TPST1: variants seen among roughly 807,000 people sequenced by gnomAD.
The protein encoded by TPST1 is protein-tyrosine sulfotransferase 1.
Under a neutral mutation model 34.8 loss-of-function variants are expected in TPST1, and 20 were observed. That is an observed-to-expected ratio of 0.57 (90% CI 0.40 to 0.84). The LOEUF is 0.84. Ranked by LOEUF, TPST1 falls within the 40% of genes least tolerant of loss-of-function variation. The pLI, the probability that TPST1 is intolerant of heterozygous loss-of-function variation, is 0.00. For missense variants in TPST1, 353 were observed against 455.5 expected, an observed-to-expected ratio of 0.78 and a Z score of 2.05; for synonymous variants, 152 against 159.4, an observed-to-expected ratio of 0.95 and a Z score of 0.35.
intron 2 of TPST1, among the ~76,000 whole-genome samples, chr7:66,281,888 G>A (rs1790939617): frequency 6.6e-6 from 1 of 152,214 alleles, no homozygotes; most frequent in Admixed American, 6.5e-5. Flanking sequence ...ATTCACCTCA[G>A]TCATTCAAGA....
intron 1 of TPST1, among the ~76,000 whole-genome samples, chr7:66,229,174 G>A (rs545489290): frequency 2.6e-3 from 395 of 151,192 alleles, no homozygotes; most frequent in African/African-American, 9.0e-3. Flanking sequence ...GCAGTGGCAC[G>A]ATCTCGACTC....
upstream of TPST1, among the ~76,000 whole-genome samples, chr7:66,202,202 G>A (rs886327118): frequency 2.0e-5 from 3 of 152,132 alleles, no homozygotes; most frequent in African/African-American, 7.2e-5. Context: ...AGCAGGAAAA[G>A]TTCATCTTGT....
At chr7:66,307,651 T>C (rs2116093214) in intron 3 of TPST1, among the ~76,000 whole-genome samples, 1 of 152,316 alleles carries the variant, frequency 6.6e-6, no homozygotes, top group East Asian at 1.9e-4. Context: ...AGCGCTTTAT[T>C]GGGGCACCAT....
At chr7:66,218,285 A>G (rs994207529) in intron 1 of TPST1, among the ~76,000 whole-genome samples, 3 of 151,972 alleles carry the variant, frequency 2.0e-5, no homozygotes, top group South Asian at 2.1e-4. Flanking sequence ...TGCCTTTTGT[A>G]TGCTCTTTTT....
intron 2 of TPST1, among the ~76,000 whole-genome samples, chr7:66,263,197 G>A (rs958883260): frequency 6.6e-6 from 1 of 152,124 alleles, no homozygotes; most frequent in Non-Finnish European, 1.5e-5. Context: ...GGTAAAGGTG[G>A]GGGTGCCAGT....
At chr7:66,344,423 G>T (rs2116343767) in intron 3 of TPST1, 1 of 152,044 alleles carries the variant, frequency 6.6e-6, no homozygotes, top group South Asian at 2.1e-4. Context: ...ATTTCTAATT[G>T]TTTTTTTTAG....
chr7:66,346,317 G>A (rs1792351747), intron 3 of TPST1, among the ~76,000 whole-genome samples: 1 of 152,068 alleles, frequency 6.6e-6, no homozygotes, highest in Non-Finnish European at 1.5e-5. Context: ...TTGATTTACT[G>A]ATTTCCCTTC....
chr7:66,318,020 G>T (rs916158826), intron 3 of TPST1, among the ~76,000 whole-genome samples: 1 of 152,062 alleles, frequency 6.6e-6, no homozygotes, highest in African/African-American at 2.4e-5. Context: ...TTAGCCAGGC[G>T]GGGTGGCAGG....
At chr7:66,271,603 A>G (rs551313854) in intron 2 of TPST1, among the ~76,000 whole-genome samples, 3 of 152,294 alleles carry the variant, frequency 2.0e-5, no homozygotes, top group African/African-American at 7.2e-5. Flanking sequence ...GATTCTGCAT[A>G]TAAGTGAGAT....
At chr7:66,216,307 T>C (rs968452294) in intron 1 of TPST1, among the ~76,000 whole-genome samples, 2 of 25,678 alleles carry the variant, frequency 7.8e-5, no homozygotes, top group African/African-American at 3.1e-4. Flanking sequence ...TCTTCTCTCT[T>C]TTGTTATTGG....
intron 3 of TPST1, among the ~76,000 whole-genome samples, chr7:66,296,830 A>G (rs1389721296): frequency 6.6e-6 from 1 of 152,076 alleles, no homozygotes; most frequent in Non-Finnish European, 1.5e-5. Context: ...AAACGTTAAC[A>G]TATTTTATAC....
intron 3 of TPST1, among the ~76,000 whole-genome samples, chr7:66,323,537 C>G (rs1235169239): frequency 2.6e-5 from 4 of 152,240 alleles, no homozygotes; most frequent in African/African-American, 9.6e-5. Context: ...TTGAACCACC[C>G]TAGCATTCCT....
intron 1 of TPST1, among the ~76,000 whole-genome samples, chr7:66,212,980 T>C (rs1285114317): frequency 6.6e-6 from 1 of 152,188 alleles, no homozygotes; most frequent in Non-Finnish European, 1.5e-5. Context: ...CCCCAACTGC[T>C]TTAGAGGTTT....
chr7:66,283,549 CT>C (rs1790976046), intron 2 of TPST1, among the ~76,000 whole-genome samples: 1 of 152,104 alleles, frequency 6.6e-6, no homozygotes. Flanking sequence ...TTCCAGTAAA[CT>C]TTACTTATGG....
chr7:66,355,553 A>T (rs369985764), intron 4 of TPST1, among the ~76,000 whole-genome samples: 115 of 151,722 alleles, frequency 7.6e-4, no homozygotes, highest in Admixed American at 2.3e-3. Flanking sequence ...ATTTTTTTTT[A>T]AATTGGGCAA....
Position 66,217,973 on chromosome 7 carries a change from G to T in TPST1, c.-102+12451G>T, listed in dbSNP as rs763217001. On this transcript the variant is annotated intron_variant, in intron 1 of 5. Transcript: ENST00000304842. ...TGGCTCACTGTAACCTCTGCCTCCC[G>T]GATTCAAGCAATTCTCCTGCCTCAG... Among the ~76,000 whole-genome samples, 3 of 151,866 alleles carry T rather than the reference G, an allele frequency of 2.0e-5. No individual in the cohort carries two copies. The East Asian group carries it at 5.8e-4, about 29-fold the overall frequency.
In TPST1 at chr7:66,278,819, T is replaced by C. The variant is rs145604766; in HGVS notation, c.846-7692T>C. Among the ~76,000 whole-genome samples the C allele has an allele frequency of 4.3e-4, 66 of 152,020 alleles. No individual in the cohort carries two copies. In the East Asian group the frequency reaches 9.3e-3, roughly 21 times the overall value. ...TCTCAAAAAAAAAAAAAGTTTATCATAGAAAATTGGAAAATATGGATAAGT... is the reference window on the plus strand; with the variant it reads ...TCTCAAAAAAAAAAAAAGTTTATCACAGAAAATTGGAAAATATGGATAAGT... On this transcript the variant is annotated intron_variant, in intron 2 of 5. Coordinates refer to ENST00000304842, the MANE Select transcript of TPST1 (RefSeq NM_003596.4).
intron 2 of TPST1, among the ~76,000 whole-genome samples, chr7:66,283,916 T>C (rs1453134753): frequency 6.6e-6 from 1 of 152,238 alleles, no homozygotes; most frequent in Non-Finnish European, 1.5e-5. Flanking sequence ...TTTGTATCCT[T>C]AATATCAAAC....
intron 3 of TPST1, among the ~76,000 whole-genome samples, chr7:66,293,887 A>T (rs911179143): frequency 6.6e-6 from 1 of 152,222 alleles, no homozygotes. Flanking sequence ...TACAGTTTTT[A>T]TTTTAATAAG....
Sources: gnomAD v4.1 joint callset for allele counts (sites outside exome capture counted in the v4.1 genomes callset) on GRCh38, gnomAD v4.1.1 for gene constraint, MANE v1.5 for transcripts, NCBI Gene and HGNC (gene_info 2026-07-23, HGNC 2026-07-21) for gene names.